The following MAP4K4 variants were observed in gnomAD, a reference collection of about 807,000 sequenced individuals.
MAP4K4 encodes mitogen-activated protein kinase kinase kinase kinase 4.
Under a neutral mutation model 189.6 loss-of-function variants are expected in MAP4K4, and 38 were observed. The observed-to-expected ratio is 0.20, with a 90% CI of 0.15 to 0.26. The LOEUF (loss-of-function observed/expected upper bound fraction) is 0.26, where lower values mean the gene tolerates loss of function less well. Among genes scored for constraint, MAP4K4 ranks in the 10% least tolerant of loss-of-function variants. MAP4K4 has a pLI of 1.00. For synonymous variants in MAP4K4, 610 were observed against 624.3 expected (o/e 0.98, Z 0.34); for missense variants, 1,054 against 1,726.9 (o/e 0.61, Z 6.91).
chr2:101,858,324 T>A lies in MAP4K4; in HGVS notation c.1396-672T>A, dbSNP rs1576893599. On this transcript the variant is annotated intron_variant, in intron 13 of 32. Coordinates refer to ENST00000324219, the Ensembl canonical transcript of MAP4K4. ...TTGTTTTCATTGTTATAATGACTAA[T>A]CATTCTCTTCTCATTGAAAAGAAAA... is the stretch of plus-strand genomic sequence containing the variant. Among the ~76,000 whole-genome samples, 3 of 152,228 alleles carry A rather than the reference T, an allele frequency of 2.0e-5. No individual in the cohort carries two copies. In the South Asian group the frequency reaches 6.2e-4, roughly 32 times the overall value.
chr2:101,747,518 A>C (rs145594626), intron 2 of MAP4K4, among the ~76,000 whole-genome samples: 120 of 152,266 alleles, frequency 7.9e-4, no homozygotes, highest in Admixed American at 1.4e-3. Context: ...GGAATTTTCA[A>C]GGGTGGAGTA....
chr2:101,785,682 C>CTTTTCATTTTTTGAGTTGGAG (rs1558913111), intron 2 of MAP4K4, among the ~76,000 whole-genome samples: 3 of 1,054 alleles, frequency 2.8e-3, no homozygotes, highest in African/African-American at 0.011. Context: ...TTCTCCCTCT[C>CTTTTCATTTTTTGAGTTGGAG]TCTCTCTCTC....
chr2:101,788,705 G>GT (rs929826351), intron 2 of MAP4K4, among the ~76,000 whole-genome samples: 10 of 152,106 alleles, frequency 6.6e-5, no homozygotes, highest in African/African-American at 1.9e-4. Flanking sequence ...GGAAACTCAT[G>GT]TTTTTTATAA....
At chr2:101,777,227 T>C (rs2084687825) in intron 2 of MAP4K4, among the ~76,000 whole-genome samples, 1 of 152,168 alleles carries the variant, frequency 6.6e-6, no homozygotes, top group South Asian at 2.1e-4. Flanking sequence ...AAGCATGAGC[T>C]TTGTGTGAGG....
chr2:101,892,930 A>G, exon 33 of MAP4K4: 1 of 456,450 alleles, frequency 2.2e-6, no homozygotes. Context: ...CTGAGTGGAA[A>G]TAACTGCATT....
rs144361097 is a variant in MAP4K4, at chr2:101,843,861, ATGTCT to A, written c.1023-235_1023-231del. Reference sequence around the variant, plus strand: ...ATTGTTACGCGAATCCTAAATAGAAATGTCTTGTCAAGCAAACATCTAGGACAGCA... The same window carrying A: ...ATTGTTACGCGAATCCTAAATAGAAATGTCAAGCAAACATCTAGGACAGCA... On this transcript the variant is annotated intron_variant, in intron 11 of 32. Transcript: ENST00000324219. Among the ~76,000 whole-genome samples the A allele has an allele frequency of 1.5e-3, 225 of 152,338 alleles. 5 individuals carry two copies. The East Asian group carries it at 0.035, about 24-fold the overall frequency.
At chr2:101,700,842 C>A (rs1026336511) in intron 2 of MAP4K4, among the ~76,000 whole-genome samples, 3 of 150,214 alleles carry the variant, frequency 2.0e-5, no homozygotes, top group South Asian at 4.2e-4. Flanking sequence ...CTGGGAACTT[C>A]AATCTTAGAA....
chr2:101,842,697 C>T lies in MAP4K4; in HGVS notation c.1022+16C>T. Reference sequence around the variant, plus strand: ...GAGAGCCAAGGTAACCACAAAGCCACTGTTCAGTATCCTGCTTTATGAAGG... The same window carrying T: ...GAGAGCCAAGGTAACCACAAAGCCATTGTTCAGTATCCTGCTTTATGAAGG... On this transcript the variant is annotated intron_variant, in intron 11 of 32. Coordinates refer to ENST00000324219, the Ensembl canonical transcript of MAP4K4. 1 of 1,595,530 alleles carries T rather than the reference C, an allele frequency of 6.3e-7. No individual in the cohort carries two copies. The highest frequency in any genetic ancestry group is 2.3e-5 in the East Asian group (1 of 44,344).
chr2:101,843,623 C>T (rs1042330559), intron 11 of MAP4K4, among the ~76,000 whole-genome samples: 6 of 151,934 alleles, frequency 3.9e-5, no homozygotes, highest in African/African-American at 7.3e-5. Flanking sequence ...GTGGCTAATT[C>T]GTAGGACCCG....
exon 16 of MAP4K4, chr2:101,860,853 A>G (rs764598259): frequency 1.2e-6 from 2 of 1,609,066 alleles, no homozygotes; most frequent in East Asian, 4.5e-5. Flanking sequence ...AAAACTAACC[A>G]CAGCTCCCCT....
intron 5 of MAP4K4, among the ~76,000 whole-genome samples, chr2:101,828,326 T>C (rs898048739): frequency 1.3e-5 from 2 of 152,226 alleles, no homozygotes; most frequent in African/African-American, 4.8e-5. Flanking sequence ...GGAAGTTAGC[T>C]TTTGTGTCTC....
chr2:101,725,387 CAAAAA>C (rs547130880), intron 2 of MAP4K4, among the ~76,000 whole-genome samples: 2 of 110,964 alleles, frequency 1.8e-5, no homozygotes, highest in African/African-American at 6.7e-5. Context: ...AAAAGATAAG[CAAAAA>C]AAAAAAAACA....
chr2:101,838,964 T>A (rs924416233), intron 9 of MAP4K4, among the ~76,000 whole-genome samples: 3 of 152,222 alleles, frequency 2.0e-5, no homozygotes, highest in African/African-American at 7.2e-5. Flanking sequence ...TTTTGACGTG[T>A]ACCATTTCAA....
chr2:101,783,029 A>G (rs930033639), intron 2 of MAP4K4, among the ~76,000 whole-genome samples: 2 of 152,182 alleles, frequency 1.3e-5, no homozygotes, highest in South Asian at 2.1e-4. Flanking sequence ...ATAGGTTTCC[A>G]TATTTGCTAG....
At chr2:101,823,091 C>T (rs1172872189) in intron 3 of MAP4K4, among the ~76,000 whole-genome samples, 1 of 152,152 alleles carries the variant, frequency 6.6e-6, no homozygotes, top group Non-Finnish European at 1.5e-5. Context: ...GTGTGCACAG[C>T]GTCTTCTCCA....
intron 2 of MAP4K4, among the ~76,000 whole-genome samples, chr2:101,727,347 C>T (rs1444849135): frequency 2.0e-5 from 3 of 152,112 alleles, no homozygotes; most frequent in South Asian, 2.1e-4. Flanking sequence ...ATTTTAAAGC[C>T]GCTATGAGAG....
chr2:101,820,394 A>G (rs1158860415), intron 3 of MAP4K4, among the ~76,000 whole-genome samples: 2 of 152,218 alleles, frequency 1.3e-5, no homozygotes, highest in Non-Finnish European at 2.9e-5. Flanking sequence ...AGTTCTTACT[A>G]CAGGAACAAA....
chr2:101,729,154 AT>A (rs1222430409), intron 2 of MAP4K4, among the ~76,000 whole-genome samples: 1 of 129,236 alleles, frequency 7.7e-6, no homozygotes. Flanking sequence ...CTCCCTCCCT[AT>A]CCTTTTTTCC....
At chr2:101,744,040 C>T (rs752782375) in intron 2 of MAP4K4, among the ~76,000 whole-genome samples, 1 of 152,162 alleles carries the variant, frequency 6.6e-6, no homozygotes, top group Non-Finnish European at 1.5e-5. Context: ...TCTCTTTACT[C>T]TCTATGGCGA....
Sources: allele counts gnomAD v4.1 joint callset (sites outside exome capture counted in the v4.1 genomes callset), GRCh38; gene constraint gnomAD v4.1.1; transcripts MANE v1.5; gene names NCBI Gene and HGNC (gene_info 2026-07-23, HGNC 2026-07-21).